CFAP61: variants seen among roughly 807,000 people sequenced by gnomAD.
CFAP61 encodes cilia and flagella associated protein 61, also known as cilia- and flagella-associated protein 61.
Under a neutral mutation model 135.6 loss-of-function variants are expected in CFAP61, and 107 were observed. The ratio of observed to expected loss-of-function variants is 0.79; its 90% CI spans 0.67 to 0.93. CFAP61 has a LOEUF of 0.93. Among genes scored for constraint, CFAP61 ranks in the 40% least tolerant of loss-of-function variants. CFAP61 has a pLI of 0.00. For missense variants in CFAP61, 1,507 were observed against 1,556.2 expected, an observed-to-expected ratio of 0.97 and a Z score of 0.53; for synonymous variants, 575 against 578.5, an observed-to-expected ratio of 0.99 and a Z score of 0.09.
rs187264794 is a variant in CFAP61 at position 20,084,776 on chromosome 20, C to T, written c.567-6068C>T. 2.2e-3 allele frequency among the ~76,000 whole-genome samples: 337 copies of T among 152,198 alleles called. 3 individuals carry two copies. The highest frequency in any genetic ancestry group is 7.8e-3 in the African/African-American group (323 of 41,496). On this transcript the variant is annotated intron_variant, in intron 6 of 26. Transcript: ENST00000245957. The stretch of plus-strand genomic sequence containing the variant: ...CTTCCAGGAAGCCAGTGAGAGCTAC[C>T]GGCTCATTTCTAGCTGTGGACTTAG...
chr20:20,282,685 TCCC>T (rs1213555442), intron 22 of CFAP61, among the ~76,000 whole-genome samples: 1 of 152,184 alleles, frequency 6.6e-6, no homozygotes, highest in Non-Finnish European at 1.5e-5. Context: ...ACACCTGTAA[TCCC>T]AGCACATTGG....
chr20:20,257,903 T>TCTAAATATA (rs2051781943), intron 20 of CFAP61, among the ~76,000 whole-genome samples: 1 of 152,186 alleles, frequency 6.6e-6, no homozygotes, highest in Non-Finnish European at 1.5e-5. Context: ...CTCTTATATT[T>TCTAAATATA]AGAAGAAATA....
At chr20:20,124,443 C>T (rs189411672) in intron 8 of CFAP61, among the ~76,000 whole-genome samples, 2 of 151,896 alleles carry the variant, frequency 1.3e-5, no homozygotes, top group Admixed American at 1.3e-4. Flanking sequence ...CAGTTTTAAT[C>T]ATAAAGCGAT....
At chr20:20,178,198 G>T (rs1482788955) in intron 13 of CFAP61, among the ~76,000 whole-genome samples, 2 of 151,556 alleles carry the variant, frequency 1.3e-5, no homozygotes, top group African/African-American at 4.9e-5. Context: ...CTCTCCTTTT[G>T]TTTAGTGACT....
chr20:20,202,455 G>GATT (rs989275712), intron 17 of CFAP61, among the ~76,000 whole-genome samples: 3 of 152,174 alleles, frequency 2.0e-5, no homozygotes, highest in African/African-American at 7.2e-5. Context: ...TTAATCACAG[G>GATT]ATTATTTATC....
chr20:20,165,487 G>A (rs149201819), intron 11 of CFAP61, among the ~76,000 whole-genome samples: 26 of 151,630 alleles, frequency 1.7e-4, no homozygotes, highest in East Asian at 5.8e-4. Context: ...AAGCCCCGGC[G>A]CCCACCAGAC....
intron 18 of CFAP61, among the ~76,000 whole-genome samples, chr20:20,231,947 C>T (rs1036677049): frequency 1.3e-5 from 2 of 151,700 alleles, no homozygotes; most frequent in African/African-American, 2.4e-5. Flanking sequence ...TTGGCCACCC[C>T]GTTCTTTGGG....
At chr20:20,219,550 G>C (rs1012311436) in intron 17 of CFAP61, among the ~76,000 whole-genome samples, 9 of 152,178 alleles carry the variant, frequency 5.9e-5, no homozygotes, top group African/African-American at 2.2e-4. Context: ...GGATTGGAAA[G>C]AGAAAAATGA....
chr20:20,066,846 A>C lies in CFAP61; in HGVS notation c.144-4008A>C, dbSNP rs1272993935. On this transcript the variant is annotated intron_variant, in intron 2 of 26. Transcript: ENST00000245957. ...AAAAATAAAATAAAATAAAAGTTCCAGAGCAGGAAAACTAATATGATTTGA... is the reference window on the plus strand; with the variant it reads ...AAAAATAAAATAAAATAAAAGTTCCCGAGCAGGAAAACTAATATGATTTGA... 3.9e-5 allele frequency among the ~76,000 whole-genome samples: 6 copies of C among 152,336 alleles called. No homozygotes were observed. In the South Asian group the frequency reaches 6.2e-4, roughly 16 times the overall value.
At chr20:20,054,884 A>G (rs888130192) in intron 1 of CFAP61, among the ~76,000 whole-genome samples, 8 of 152,240 alleles carry the variant, frequency 5.3e-5, no homozygotes, top group Non-Finnish European at 1.2e-4. Context: ...CTGAAGGTTC[A>G]TGTCTTTCAT....
chr20:20,244,952 A>T (rs201597637), intron 18 of CFAP61, among the ~76,000 whole-genome samples: 1 of 152,220 alleles, frequency 6.6e-6, no homozygotes, highest in Non-Finnish European at 1.5e-5. Context: ...AATGCCACCA[A>T]TCTCTTTGCT....
chr20:20,100,930 TA>T (rs2047977865), intron 8 of CFAP61, among the ~76,000 whole-genome samples: 1 of 152,226 alleles, frequency 6.6e-6, no homozygotes, highest in African/African-American at 2.4e-5. Context: ...AGATGGTAAG[TA>T]AAAGAAATAG....
chr20:20,285,058 A>G (rs2054481538), intron 22 of CFAP61, among the ~76,000 whole-genome samples: 1 of 152,224 alleles, frequency 6.6e-6, no homozygotes, highest in Non-Finnish European at 1.5e-5. Flanking sequence ...CACTGAATAT[A>G]GAATTCTGGG....
At chr20:20,221,962 C>A (rs1319555979) in intron 17 of CFAP61, 1 of 152,198 alleles carries the variant, frequency 6.6e-6, no homozygotes, top group Non-Finnish European at 1.5e-5. Context: ...ACATGACTCT[C>A]TTGAAGTGAT....
At chr20:20,171,827 G>A in intron 13 of CFAP61, 1 of 697,046 alleles carries the variant, frequency 1.4e-6, no homozygotes. Context: ...GAGTGTCAAA[G>A]GGCTCTGTGG....
chr20:20,191,748 T>C (rs1389459695), intron 15 of CFAP61, among the ~76,000 whole-genome samples: 1 of 152,110 alleles, frequency 6.6e-6, no homozygotes, highest in Admixed American at 6.5e-5. Flanking sequence ...GATGCATTTA[T>C]ACCTTCCAGC....
chr20:20,126,200 C>T (rs988884570), intron 8 of CFAP61, among the ~76,000 whole-genome samples: 2 of 151,798 alleles, frequency 1.3e-5, no homozygotes, highest in Non-Finnish European at 2.9e-5. Context: ...AGGCCATTTA[C>T]ATTTAATGTT....
intron 18 of CFAP61, among the ~76,000 whole-genome samples, chr20:20,238,072 A>T (rs1239939758): frequency 6.6e-6 from 1 of 152,254 alleles, no homozygotes. Context: ...ATGGCTCAGG[A>T]CCTTGTCCAA....
intron 13 of CFAP61, among the ~76,000 whole-genome samples, chr20:20,174,653 C>T (rs960638575): frequency 1.3e-5 from 2 of 152,078 alleles, no homozygotes; most frequent in Admixed American, 1.3e-4. Flanking sequence ...GGCAGCTGAT[C>T]GTGGCTGCAG....
Sources: gnomAD v4.1 joint callset for allele counts (sites outside exome capture counted in the v4.1 genomes callset) on GRCh38, gnomAD v4.1.1 for gene constraint, MANE v1.5 for transcripts, NCBI Gene and HGNC (gene_info 2026-07-23, HGNC 2026-07-21) for gene names.